ALPK1: variants seen among roughly 807,000 people sequenced by gnomAD.
The protein encoded by ALPK1 is alpha kinase 1.
A neutral mutation model predicts 120.6 loss-of-function variants in ALPK1; 110 were observed. The observed-to-expected ratio is 0.91, with a 90% confidence interval of 0.78 to 1.07. The LOEUF is 1.07. Among genes scored for constraint, ALPK1 ranks in the 50% least tolerant of loss-of-function variants. The pLI, the probability that ALPK1 is intolerant of heterozygous loss-of-function variation, is 0.00. For missense variants in ALPK1, 1,498 were observed against 1,483.9 expected, an observed-to-expected ratio of 1.01 and a Z score of -0.16; for synonymous variants, 582 against 560.3, an observed-to-expected ratio of 1.04 and a Z score of -0.55.
chr4:112,399,300 A>T (rs544220213), intron 4 of ALPK1, among the ~76,000 whole-genome samples: 2 of 152,116 alleles, frequency 1.3e-5, no homozygotes, highest in Admixed American at 1.3e-4. Context: ...GCCACCAGAA[A>T]TTTTTTTCTT....
At chr4:112,308,545 A>G (rs1358813577) in intron 1 of ALPK1, among the ~76,000 whole-genome samples, 5 of 152,118 alleles carry the variant, frequency 3.3e-5, no homozygotes, top group Non-Finnish European at 7.3e-5. Context: ...CGAATCGGCT[A>G]CTGAAACTTG....
intron 2 of ALPK1, among the ~76,000 whole-genome samples, chr4:112,373,693 GT>G (rs763490853): frequency 6.6e-6 from 1 of 151,960 alleles, no homozygotes; most frequent in Non-Finnish European, 1.5e-5. Flanking sequence ...TTTGAGTCTG[GT>G]TTGGACAACA....
At chr4:112,376,307 C>T (rs961005082) in intron 2 of ALPK1, among the ~76,000 whole-genome samples, 1 of 152,146 alleles carries the variant, frequency 6.6e-6, no homozygotes, top group Non-Finnish European at 1.5e-5. Flanking sequence ...TGTTCTTCAT[C>T]AACAAATACA....
At chr4:112,332,217 T>C (rs1729411771) in intron 2 of ALPK1, among the ~76,000 whole-genome samples, 1 of 152,166 alleles carries the variant, frequency 6.6e-6, no homozygotes, top group African/African-American at 2.4e-5. Context: ...ATAAAGCCTA[T>C]GGTTTATCAA....
In ALPK1 at chr4:112,394,499, G is replaced by A. The variant is rs75874323; in HGVS notation, c.276+11947G>A. 2.6e-4 allele frequency among the ~76,000 whole-genome samples: 40 copies of A among 152,222 alleles called. 1 individual carries two copies. Among genetic ancestry groups the A allele is most frequent in the African/African-American group, 9.1e-4 (38 of 41,552 alleles). On this transcript the variant is annotated intron_variant, in intron 4 of 15. Transcript: ENST00000650871. Reference sequence around the variant, plus strand: ...TAGTTGCCAAGAGAATGGAGCTTTGGAGGAAAATATTAGCCCCAAGGCCTA... The same window carrying A: ...TAGTTGCCAAGAGAATGGAGCTTTGAAGGAAAATATTAGCCCCAAGGCCTA...
At chr4:112,375,592 G>A (rs75153333) in intron 2 of ALPK1, among the ~76,000 whole-genome samples, 3,465 of 152,180 alleles carry the variant, frequency 0.023, 47 homozygotes, top group Admixed American at 0.032. Context: ...AAGACAGATG[G>A]GGCCTTACTC....
intron 3 of ALPK1, among the ~76,000 whole-genome samples, chr4:112,381,086 A>G (rs1029357763): frequency 2.6e-5 from 4 of 152,232 alleles, no homozygotes; most frequent in African/African-American, 9.6e-5. Flanking sequence ...ATTCAGGGCA[A>G]TGGACTGGTC....
intron 4 of ALPK1, among the ~76,000 whole-genome samples, chr4:112,396,197 A>G (rs1045011042): frequency 1.1e-4 from 16 of 152,332 alleles, no homozygotes; most frequent in Middle Eastern, 6.8e-3. Context: ...TACCTGTTGC[A>G]TAGCATACTG....
intron 3 of ALPK1, 108 bp from the exon 4 acceptor site, chr4:112,382,276 AAAAGGTTTTTCTCT>A: frequency 8.5e-7 from 1 of 1,179,512 alleles, no homozygotes; most frequent in South Asian, 1.6e-5. Context: ...AGAGGCAGGG[AAAAGGTTTTTCTCT>A]TTTTTTTTTT....
chr4:112,420,680 A>G (rs1175030997), intron 5 of ALPK1, among the ~76,000 whole-genome samples: 7 of 152,346 alleles, frequency 4.6e-5, no homozygotes, highest in Middle Eastern at 3.4e-3. Context: ...CTAGCCAGGC[A>G]TATATCCCAA....
chr4:112,324,617 T>C (rs756580108), intron 2 of ALPK1, among the ~76,000 whole-genome samples: 69 of 152,248 alleles, frequency 4.5e-4, no homozygotes, highest in South Asian at 8.3e-4. Flanking sequence ...GCTAAGACTA[T>C]AGGTATGTGC....
intron 2 of ALPK1, among the ~76,000 whole-genome samples, chr4:112,369,696 A>G (rs1027452716): frequency 1.3e-5 from 2 of 152,142 alleles, no homozygotes; most frequent in Non-Finnish European, 2.9e-5. Flanking sequence ...AAGAAAAAGA[A>G]AAGAAAATTT....
chr4:112,338,112 G>A (rs1018173054), intron 2 of ALPK1, among the ~76,000 whole-genome samples: 15 of 151,934 alleles, frequency 9.9e-5, no homozygotes, highest in Admixed American at 2.0e-4. Context: ...GATTACAGAC[G>A]CACGCCACCA....
At chr4:112,367,416 A>G (rs1419805893) in intron 2 of ALPK1, among the ~76,000 whole-genome samples, 1 of 152,088 alleles carries the variant, frequency 6.6e-6, no homozygotes, top group African/African-American at 2.4e-5. Flanking sequence ...CTTAATTATG[A>G]TAAAAGATTT....
chr4:112,304,002 T>C (rs573411619), intron 1 of ALPK1, among the ~76,000 whole-genome samples: 9 of 152,140 alleles, frequency 5.9e-5, no homozygotes, highest in Non-Finnish European at 7.3e-5. Flanking sequence ...ATGGGGTGTT[T>C]GGTTTTTTGT....
chr4:112,369,524 A>T (rs564002776), intron 2 of ALPK1, among the ~76,000 whole-genome samples: 5 of 151,484 alleles, frequency 3.3e-5, no homozygotes, highest in African/African-American at 4.9e-5. Flanking sequence ...GATTAAAAAG[A>T]CGTTTTAGAT....
At chr4:112,357,844 C>A in intron 2 of ALPK1, 1 of 1,082,490 alleles carries the variant, frequency 9.2e-7, no homozygotes, top group Non-Finnish European at 1.4e-6. Flanking sequence ...CTGGCAGGCC[C>A]ACTACTTGGC....
At chr4:112,339,841 T>A (rs1431959037) in intron 2 of ALPK1, among the ~76,000 whole-genome samples, 1 of 152,228 alleles carries the variant, frequency 6.6e-6, no homozygotes, top group Non-Finnish European at 1.5e-5. Flanking sequence ...AGGATCAGAT[T>A]CCCTAGACAG....
chr4:112,409,388 C>T (rs1161275864), intron 4 of ALPK1, among the ~76,000 whole-genome samples: 1 of 152,120 alleles, frequency 6.6e-6, no homozygotes, highest in African/African-American at 2.4e-5. Flanking sequence ...CTCTCTTCCT[C>T]TCCTGGATTC....
Sources: allele counts gnomAD v4.1 joint callset (sites outside exome capture counted in the v4.1 genomes callset), GRCh38; gene constraint gnomAD v4.1.1; transcripts MANE v1.5; gene names NCBI Gene and HGNC (gene_info 2026-07-23, HGNC 2026-07-21).